SDC2: variants seen among roughly 807,000 people sequenced by gnomAD.
The protein encoded by SDC2 is syndecan-2.
A neutral mutation model predicts 22.2 loss-of-function variants in SDC2; 13 were observed. That is an observed-to-expected ratio of 0.59 (90% CI 0.38 to 0.93). SDC2 has a LOEUF of 0.93. Ranked by LOEUF, SDC2 falls within the 40% of genes least tolerant of loss-of-function variation. SDC2 has a pLI of 0.00. For missense variants in SDC2, 235 were observed against 246.8 expected (o/e 0.95, Z 0.32); for synonymous variants, 94 against 92.8 (o/e 1.01, Z -0.07).
intron 1 of SDC2, among the ~76,000 whole-genome samples, chr8:96,539,684 G>A (rs1181718506): frequency 1.3e-5 from 2 of 152,206 alleles, no homozygotes; most frequent in Non-Finnish European, 2.9e-5. Context: ...TAGTTGAAAA[G>A]CAATATGACG....
intron 2 of SDC2, among the ~76,000 whole-genome samples, chr8:96,595,216 C>T (rs1814852620): frequency 6.6e-6 from 1 of 152,130 alleles, no homozygotes; most frequent in Admixed American, 6.6e-5. Flanking sequence ...CTTTTGTGAT[C>T]AGATTGAGCT....
chr8:96,576,379 G>GTT (rs1365620450), intron 1 of SDC2, among the ~76,000 whole-genome samples: 9 of 47,574 alleles, frequency 1.9e-4, no homozygotes, highest in African/African-American at 6.6e-4. Flanking sequence ...TTTTTGTTTT[G>GTT]TTTTGTTTTT....
chr8:96,576,372 TTGTTTTGTTTTG>T (rs1375543874), intron 1 of SDC2, among the ~76,000 whole-genome samples: 3 of 33,344 alleles, frequency 9.0e-5, no homozygotes, highest in African/African-American at 2.2e-4. Flanking sequence ...TAGTTTGTTT[TTGTTTTGTTTTG>T]TTTTTTTTTA....
At chr8:96,513,080 AG>A (rs1232209259) in intron 1 of SDC2, among the ~76,000 whole-genome samples, 1 of 152,208 alleles carries the variant, frequency 6.6e-6, no homozygotes, top group Non-Finnish European at 1.5e-5. Flanking sequence ...CTTTCTCGCA[AG>A]CTTTAGAAGA....
chr8:96,561,851 T>G (rs2130562955), intron 1 of SDC2, among the ~76,000 whole-genome samples: 1 of 152,334 alleles, frequency 6.6e-6, no homozygotes, highest in African/African-American at 2.4e-5. Context: ...GGCAGACCAC[T>G]TGCCACACAA....
At chr8:96,602,648 C>CTA (rs1321707759) in intron 3 of SDC2, 120 bp downstream of exon 3, 32 of 1,082,938 alleles carry the variant, frequency 3.0e-5, no homozygotes, top group Non-Finnish European at 4.0e-5. Context: ...CCATCATGAA[C>CTA]TATGTACACA....
At chr8:96,540,357 A>ATATATATATATATATATATAT (rs1220674689) in intron 1 of SDC2, among the ~76,000 whole-genome samples, 2 of 82,166 alleles carry the variant, frequency 2.4e-5, no homozygotes, top group East Asian at 2.9e-4. Flanking sequence ...TATATATATA[A>ATATATATATATATATATATAT]AAATTAGTCG....
At chr8:96,508,927 G>A (rs189383238) in intron 1 of SDC2, among the ~76,000 whole-genome samples, 2 of 142,270 alleles carry the variant, frequency 1.4e-5, no homozygotes, top group Admixed American at 1.4e-4. Context: ...GTATCTAATG[G>A]ATGGTTGCAG....
chr8:96,583,401 T>TGC (rs1156711964), intron 1 of SDC2, among the ~76,000 whole-genome samples: 1 of 125,314 alleles, frequency 8.0e-6, no homozygotes, highest in Non-Finnish European at 1.7e-5. Context: ...TATGTGTGTG[T>TGC]GTGTGTGTGT....
intron 1 of SDC2, among the ~76,000 whole-genome samples, chr8:96,517,771 A>G (rs201927145): frequency 4.0e-5 from 6 of 149,358 alleles, no homozygotes; most frequent in Admixed American, 3.3e-4. Flanking sequence ...GTGTGTGTGC[A>G]TGTGTGTGTG....
At chr8:96,552,376 T>C (rs2130540470) in intron 1 of SDC2, among the ~76,000 whole-genome samples, 3 of 152,342 alleles carry the variant, frequency 2.0e-5, no homozygotes, top group Middle Eastern at 6.8e-3. Context: ...AATGTGGGTT[T>C]CAAAATTGAG....
At chr8:96,591,798 C>T (rs1029369817) in intron 1 of SDC2, among the ~76,000 whole-genome samples, 1 of 151,814 alleles carries the variant, frequency 6.6e-6, no homozygotes, top group Non-Finnish European at 1.5e-5. Flanking sequence ...CATGGGAGCA[C>T]GAATGGTGGT....
At chr8:96,602,354 C>T (rs932898931) in intron 2 of SDC2, 41 bp from the exon 3 acceptor site, 17 of 1,603,062 alleles carry the variant, frequency 1.1e-5, no homozygotes, top group Admixed American at 1.7e-5. Flanking sequence ...ACATCTGTGT[C>T]ATGATTGCCA....
At position 96,557,741 on chromosome 8, in the gene SDC2, A is replaced by G. The variant is rs145995240; in HGVS notation, c.61-35739A>G. Among the ~76,000 whole-genome samples, 12 of 152,244 alleles carry G rather than the reference A, an allele frequency of 7.9e-5. No individual in the cohort carries two copies. The East Asian group carries it at 2.1e-3, about 27-fold the overall frequency. On this transcript the variant is annotated intron_variant, in intron 1 of 4. Transcript: ENST00000302190. The stretch of plus-strand genomic sequence containing the variant: ...GTATACATATGTAACTAACCTGCAC[A>G]ATATGCACATGGACCCTAAAACTTA...
chr8:96,569,480 C>T (rs576876079), intron 1 of SDC2, among the ~76,000 whole-genome samples: 16 of 152,266 alleles, frequency 1.1e-4, no homozygotes, highest in African/African-American at 3.8e-4. Context: ...TATCTCTCTC[C>T]TACCTGACTC....
chr8:96,530,204 A>C (rs940670414), intron 1 of SDC2, among the ~76,000 whole-genome samples: 2 of 152,154 alleles, frequency 1.3e-5, no homozygotes, highest in African/African-American at 2.4e-5. Context: ...CATGGGGTGG[A>C]GTGCATGTGG....
chr8:96,575,642 C>A lies in SDC2; in HGVS notation c.61-17838C>A, dbSNP rs529727858. ...GGCAGTAGGAGCCAAGTTCTGAGTTCTGTTCTGTTGACATAACTGTTGAAT... is the reference window on the plus strand; with the variant it reads ...GGCAGTAGGAGCCAAGTTCTGAGTTATGTTCTGTTGACATAACTGTTGAAT... On this transcript the variant is annotated intron_variant, in intron 1 of 4. Coordinates refer to ENST00000302190, the MANE Select transcript of SDC2 (RefSeq NM_002998.4). 5.9e-5 allele frequency among the ~76,000 whole-genome samples: 9 copies of A among 152,250 alleles called. No homozygotes were observed. In the East Asian group the frequency reaches 1.7e-3, roughly 29 times the overall value.
intron 1 of SDC2, among the ~76,000 whole-genome samples, chr8:96,497,496 C>G (rs550072176): frequency 1.1e-4 from 16 of 152,092 alleles, no homozygotes; most frequent in Admixed American, 2.0e-4. Flanking sequence ...AACCACCCTT[C>G]GAGGGGTAGC....
rs35452131 is a variant in SDC2 at position 96,532,412 on chromosome 8, G to GTTTTTTTTTTTTTT, written c.60+38091_60+38104dup. ...CCTGAGTCTCTCTGCTTATTGAGGCGTTTTTTTTTTTTTTTTTTTTTTTGG... is the reference window on the plus strand; with the variant it reads ...CCTGAGTCTCTCTGCTTATTGAGGCGTTTTTTTTTTTTTTTTTTTTTTTTTTTTTTTTTTTTTGG... On this transcript the variant is annotated intron_variant, in intron 1 of 4. Coordinates refer to ENST00000302190, the MANE Select transcript of SDC2 (RefSeq NM_002998.4). Among the ~76,000 whole-genome samples, 18 of 47,944 alleles carry GTTTTTTTTTTTTTT rather than the reference G, an allele frequency of 3.8e-4. 2 individuals carry two copies. Among genetic ancestry groups the GTTTTTTTTTTTTTT allele is most frequent in the African/African-American group, 1.8e-3 (17 of 9,556 alleles). 31.5% of individuals were successfully genotyped at this position (47,944 alleles called of 152,430 possible).
Sources: gnomAD v4.1 joint callset for allele counts (sites outside exome capture counted in the v4.1 genomes callset) on GRCh38, gnomAD v4.1.1 for gene constraint, MANE v1.5 for transcripts, NCBI Gene and HGNC (gene_info 2026-07-23, HGNC 2026-07-21) for gene names.